The following SLC47A2 variants were observed in gnomAD, a reference collection of about 807,000 sequenced individuals.
The protein encoded by SLC47A2 is solute carrier family 47 member 2.
Under a neutral mutation model 67.7 loss-of-function variants are expected in SLC47A2, and 52 were observed. The observed-to-expected ratio is 0.77, with a 90% CI of 0.61 to 0.97. SLC47A2 has a LOEUF of 0.97. SLC47A2 is among the 50% of genes least tolerant of loss of function. The probability of loss-of-function intolerance (pLI) is 0.00; values close to 1 mark genes in which losing one functional copy is unlikely to be tolerated. For missense variants in SLC47A2, 676 were observed against 712.3 expected (o/e 0.95, Z 0.58); for synonymous variants, 278 against 292.9 (o/e 0.95, Z 0.52).
At chr17:19,682,146 A>G (rs2085328017) in intron 13 of SLC47A2, among the ~76,000 whole-genome samples, 1 of 152,140 alleles carries the variant, frequency 6.6e-6, no homozygotes, top group African/African-American at 2.4e-5. Context: ...AGGGCAGATC[A>G]CTTGAGGTCA....
Position 19,678,890 on chromosome 17 carries a change from G to A in SLC47A2, c.1497C>T (p.Ser499=). 1 of 1,577,382 alleles carries A rather than the reference G, an allele frequency of 6.3e-7. No individual in the cohort carries two copies. Among genetic ancestry groups the A allele is most frequent in the African/African-American group, 1.3e-5 (1 of 74,190 alleles). The stretch of plus-strand genomic sequence containing the variant: ...AATACGTTGTCAAGGTAATGCCAGG[G>A]GAACTGCCTGTAGCCACTGCGGAAG... ...AVLSSVATGS[S]PGITLTTYSR... is the part of the protein sequence containing the mutation. Residue 499 remains serine (S), a synonymous_variant, in exon 17 of 17, where the codon TCC becomes TCT. Transcript: ENST00000433844.
chr17:19,696,395 G>C lies in SLC47A2; in HGVS notation c.1164+6210C>G, dbSNP rs1459524620. Among the ~76,000 whole-genome samples, 8 of 150,936 alleles carry C rather than the reference G, an allele frequency of 5.3e-5. No individual in the cohort carries two copies. In the East Asian group the frequency reaches 1.6e-3, roughly 30 times the overall value. On this transcript the variant is annotated intron_variant, in intron 13 of 16. Transcript: ENST00000433844. ...GAGAATTGCTTGAACCCAGGAGGTG[G>C]AGGTTGCAGTAAGGCCAGATTGCAG...
intron 3 of SLC47A2, chr17:19,714,517 C>T: frequency 3.1e-6 from 2 of 641,916 alleles, no homozygotes; most frequent in South Asian, 3.6e-5. Context: ...CCACCCCTTT[C>T]TCCTGGCCCA....
intron 13 of SLC47A2, among the ~76,000 whole-genome samples, chr17:19,700,907 T>TTTTGGGAA (rs2085768849): frequency 6.6e-6 from 1 of 151,996 alleles, no homozygotes; most frequent in African/African-American, 2.4e-5. Flanking sequence ...GGCTCACACC[T>TTTTGGGAA]GTAATCCCAG....
intron 13 of SLC47A2, among the ~76,000 whole-genome samples, chr17:19,696,609 T>C (rs557231911): frequency 2.0e-5 from 3 of 152,322 alleles, no homozygotes; most frequent in Non-Finnish European, 4.4e-5. Context: ...GATCCTTCTT[T>C]AGTGCCTTCA....
chr17:19,713,107 A>T (rs1458494890), intron 4 of SLC47A2, among the ~76,000 whole-genome samples: 2 of 152,230 alleles, frequency 1.3e-5, no homozygotes, highest in Non-Finnish European at 2.9e-5. Flanking sequence ...AATAAACTAT[A>T]GGCCGGGTGC....
At chr17:19,705,393 T>C in intron 10 of SLC47A2, 43 bp downstream of exon 10, 4 of 1,574,008 alleles carry the variant, frequency 2.5e-6, no homozygotes, top group Non-Finnish European at 3.5e-6. Context: ...CCTCCAGCCA[T>C]CAGGTGGGGG....
At chr17:19,683,227 T>G (rs929860164) in intron 13 of SLC47A2, among the ~76,000 whole-genome samples, 1 of 152,076 alleles carries the variant, frequency 6.6e-6, no homozygotes, top group African/African-American at 2.4e-5. Context: ...GTGACAACTG[T>G]GGGGGTGTGG....
intron 13 of SLC47A2, chr17:19,692,385 AAAATT>A (rs1354480720): frequency 2.6e-6 from 1 of 383,506 alleles, no homozygotes; most frequent in African/African-American, 2.2e-5. Flanking sequence ...CATAAAGAAG[AAAATT>A]AAAGGAAATA....
At position 19,714,803 on chromosome 17, in the gene SLC47A2, C is replaced by T. The variant is rs1264039395; in HGVS notation, c.226-14G>A. 1 of 1,613,970 alleles carries T rather than the reference C, an allele frequency of 6.2e-7. No individual in the cohort carries two copies. The highest frequency in any genetic ancestry group is 8.5e-7 in the Non-Finnish European group (1 of 1,180,036). Reference sequence around the variant, plus strand: ...GACATTGACAAACTGGCGCCACACACAGGAGGAAACAAGAGCTTGTCAGGT... The same window carrying T: ...GACATTGACAAACTGGCGCCACACATAGGAGGAAACAAGAGCTTGTCAGGT... On this transcript the variant is annotated splice_polypyrimidine_tract_variant and intron_variant, in intron 2 of 16. Transcript: ENST00000433844.
At position 19,715,190 on chromosome 17, in the gene SLC47A2, T is replaced by C. The variant is rs1464300789; in HGVS notation, c.151A>G (p.Ile51Val). 6.2e-7 allele frequency: 1 copy of C among 1,611,058 alleles called. No individual in the cohort carries two copies. The highest frequency in any genetic ancestry group is 8.5e-7 in the Non-Finnish European group (1 of 1,179,978). The part of the protein sequence containing the change: ...LFLFQVLTFM[I>V]YIVSTVFCGH... The stretch of plus-strand genomic sequence containing the variant: ...CAGAACACAGTGCTCACGATGTAGA[T>C]CATAAAAGTCAGCACCTGGAACAGG... The change falls in exon 2 of 17, where the codon ATC becomes GTC. Residue 51 changes from isoleucine (I) to valine (V), a missense_variant. By Grantham distance (29) the Ile-to-Val change is conservative. Coordinates refer to ENST00000433844, the MANE Select transcript of SLC47A2 (RefSeq NM_001099646.3).
intron 13 of SLC47A2, among the ~76,000 whole-genome samples, chr17:19,684,464 G>A (rs1017003085): frequency 1.3e-5 from 2 of 152,122 alleles, no homozygotes; most frequent in Admixed American, 6.5e-5. Flanking sequence ...GCCTATATTG[G>A]AAAGGGAGAA....
chr17:19,714,844 G>A, intron 2 of SLC47A2, 55 bp from the exon 3 acceptor site: 2 of 1,609,222 alleles, frequency 1.2e-6, no homozygotes, highest in Admixed American at 1.7e-5. Context: ...CTGAAGAGAG[G>A]CCCCTGCATC....
In SLC47A2 at chr17:19,716,536, G is replaced by C. The variant is rs1238524961; in HGVS notation, c.20C>G (p.Thr7Arg). 1 of 1,609,208 alleles carries C rather than the reference G, an allele frequency of 6.2e-7. No individual in the cohort carries two copies. The highest frequency in any genetic ancestry group is 2.2e-5 in the East Asian group (1 of 44,756). Residue 7 changes from threonine to arginine, a missense_variant, in exon 1 of 17, where the codon ACA becomes AGA. By Grantham distance (71) the Thr-to-Arg change is moderately conservative. Coordinates refer to ENST00000433844, the MANE Select transcript of SLC47A2 (RefSeq NM_001099646.3). Reference protein sequence around the residue: MDSLQDTVALDHGGCCP... With the variant: MDSLQDRVALDHGGCCP... ...GCAGCCCCCATGGTCCAGGGCCACT[G>C]TGTCCTGGAGGCTGTCCATTCCTGG...
chr17:19,711,288 C>A (rs1243832450), intron 5 of SLC47A2, among the ~76,000 whole-genome samples: 1 of 151,852 alleles, frequency 6.6e-6, no homozygotes, highest in Non-Finnish European at 1.5e-5. Flanking sequence ...TGTTCAACTT[C>A]ATTATCAGTA....
At chr17:19,691,205 C>A (rs1429764463) in intron 13 of SLC47A2, among the ~76,000 whole-genome samples, 1 of 151,828 alleles carries the variant, frequency 6.6e-6, no homozygotes, top group African/African-American at 2.4e-5. Context: ...TATGGAAGTT[C>A]CTCACAAAAC....
At position 19,707,836 on chromosome 17, in the gene SLC47A2, C is replaced by T. The variant is rs767280838; in HGVS notation, c.637G>A (p.Ala213Thr). 44 of 1,595,220 alleles carry T rather than the reference C, an allele frequency of 2.8e-5. 1 individual carries two copies. The highest frequency in any genetic ancestry group is 9.1e-5 in the South Asian group (8 of 87,802). Residue 213 changes from alanine to threonine, a missense_variant, in exon 8 of 17, where the codon GCC becomes ACC. Transcript: ENST00000433844. ...SVLNLGVRGS[A>T]YANIISQFAQ... ...AACTGGGAGATGATGTTGGCATAGG[C>T]GGAGCCCCTGGGTAAGGAGGGAGAA...
At position 19,705,513 on chromosome 17, in the gene SLC47A2, A is replaced by T. The variant is rs1276720359; in HGVS notation, c.842-10T>A. The T allele has an allele frequency of 5.1e-6, 8 of 1,582,836 alleles. No individual in the cohort carries two copies. The highest frequency in any genetic ancestry group is 6.9e-6 in the Non-Finnish European group (8 of 1,164,830). ...ACCACACTGAGCAGCCCTAGAGAAGAGGCCCGCCGTGAGTCCGGCCCGCAG... is the reference window on the plus strand; with the variant it reads ...ACCACACTGAGCAGCCCTAGAGAAGTGGCCCGCCGTGAGTCCGGCCCGCAG... On this transcript the variant is annotated splice_polypyrimidine_tract_variant and intron_variant, in intron 9 of 16. Coordinates refer to ENST00000433844, the MANE Select transcript of SLC47A2 (RefSeq NM_001099646.3).
chr17:19,699,963 C>T (rs189498502), intron 13 of SLC47A2, among the ~76,000 whole-genome samples: 13 of 152,280 alleles, frequency 8.5e-5, no homozygotes, highest in Non-Finnish European at 1.5e-4. Context: ...GAAGCAGTGA[C>T]GCATGCTGCA....
Sources: gnomAD v4.1 joint callset for allele counts (sites outside exome capture counted in the v4.1 genomes callset) on GRCh38, gnomAD v4.1.1 for gene constraint, MANE v1.5 for transcripts, NCBI Gene and HGNC (gene_info 2026-07-23, HGNC 2026-07-21) for gene names.